The following CHL1 variants were observed in gnomAD, a reference collection of about 807,000 sequenced individuals.
The protein encoded by CHL1 is neural cell adhesion molecule L1-like protein.
CHL1 carries 96 observed loss-of-function variants against 141.9 expected under a neutral mutation model. The observed-to-expected ratio is 0.68, with a 90% CI of 0.57 to 0.80. CHL1 has a LOEUF of 0.80. CHL1 is among the 30% of genes least tolerant of loss of function. The pLI, the probability that CHL1 is intolerant of heterozygous loss-of-function variation, is 0.00. For missense variants in CHL1, 1,820 were observed against 1,457.2 expected, an observed-to-expected ratio of 1.25 and a Z score of -4.05; for synonymous variants, 613 against 502.2, an observed-to-expected ratio of 1.22 and a Z score of -2.95.
chr3:342,949 T>C, intron 7 of CHL1, 35 bp from the exon 8 acceptor site: 2 of 1,552,242 alleles, frequency 1.3e-6, no homozygotes, highest in East Asian at 2.3e-5. Flanking sequence ...TCCACCATTA[T>C]GTTTGTGTTT....
intron 14 of CHL1, among the ~76,000 whole-genome samples, chr3:365,501 T>C (rs1475639755): frequency 6.6e-6 from 1 of 152,198 alleles, no homozygotes; most frequent in Non-Finnish European, 1.5e-5. Flanking sequence ...CCCACCTTCA[T>C]GTTAATAGTT....
chr3:231,863 T>C (rs1395639553), intron 1 of CHL1, among the ~76,000 whole-genome samples: 4 of 152,084 alleles, frequency 2.6e-5, no homozygotes, highest in Admixed American at 6.6e-5. Context: ...AGGCATGAAC[T>C]ACCACACCCA....
Position 391,157 on chromosome 3 carries a change from G to A in CHL1, c.2789G>A (p.Gly930Glu), listed in dbSNP as rs1027895113. The A allele has an allele frequency of 6.2e-7, 1 of 1,603,186 alleles. No homozygotes were observed. The highest frequency in any genetic ancestry group is 8.5e-7 in the Non-Finnish European group (1 of 1,170,378). ...CCTTATATATTTCAAACACCAGAAG[G>A]AGGTGAGAGGATAATGATGTAGAGT... ...SEPYIFQTPE[G>E]VPEQPTFLKV... is the part of the protein sequence containing the mutation. Residue 930 changes from glycine (G) to glutamate (E), a missense_variant and splice_region_variant, in exon 22 of 28, where the codon GGA (glycine) becomes GAA (glutamate). Transcript: ENST00000256509.
intron 1 of CHL1, among the ~76,000 whole-genome samples, chr3:207,915 T>A (rs1699578521): frequency 6.6e-6 from 1 of 152,142 alleles, no homozygotes; most frequent in Admixed American, 6.6e-5. Context: ...ACTGAGCAAT[T>A]CAGGTGCAAC....
chr3:226,052 C>A (rs13091745), intron 1 of CHL1, among the ~76,000 whole-genome samples: 2 of 151,242 alleles, frequency 1.3e-5, no homozygotes, highest in African/African-American at 4.8e-5. Context: ...GAGAGAGTCT[C>A]GTTCCGTCGC....
intron 23 of CHL1, among the ~76,000 whole-genome samples, chr3:393,884 T>G (rs1708453223): frequency 6.6e-6 from 1 of 152,222 alleles, no homozygotes; most frequent in African/African-American, 2.4e-5. Context: ...AAGGAAGGCA[T>G]TTTTATGTCA....
In CHL1 at chr3:324,450, A is replaced by G. The variant is rs538946734; in HGVS notation, c.92-1509A>G. 1.1e-4 allele frequency among the ~76,000 whole-genome samples: 16 copies of G among 152,204 alleles called. 1 individual carries two copies. The South Asian group carries it at 2.7e-3, about 26-fold the overall frequency. On this transcript the variant is annotated intron_variant, in intron 3 of 27. Transcript: ENST00000256509. ...TCCTTTTGAAAAATATTGAGTGCTC[A>G]TCAGCAGTAGATCTTTACACACTTC...
chr3:363,532 A>G, intron 14 of CHL1, 149 bp downstream of exon 14: 1 of 673,566 alleles, frequency 1.5e-6, no homozygotes, highest in Non-Finnish European at 2.5e-6. Flanking sequence ...GGTTTCATCT[A>G]AAAGATTATT....
rs764696475 is a variant in CHL1, at chr3:220,450, GGAA to G, written c.-175+23397_-175+23399del. On this transcript the variant is annotated intron_variant, in intron 1 of 27. Coordinates refer to ENST00000256509, the MANE Select transcript of CHL1 (RefSeq NM_006614.4). ...CCTTTTGACTACCCTGGGCCACATT[GGAA>G]GAAGAAGAATTGTCTTGAGCCACAC... Among the ~76,000 whole-genome samples, 4 of 152,072 alleles carry G rather than the reference GGAA, an allele frequency of 2.6e-5. No individual in the cohort carries two copies. The South Asian group carries it at 6.2e-4, about 24-fold the overall frequency.
At chr3:380,713 T>C (rs1465528761) in intron 16 of CHL1, among the ~76,000 whole-genome samples, 1 of 152,222 alleles carries the variant, frequency 6.6e-6, no homozygotes, top group Non-Finnish European at 1.5e-5. Flanking sequence ...AATTCATTGT[T>C]ATCAATAATG....
chr3:219,849 A>T (rs994177288), intron 1 of CHL1, among the ~76,000 whole-genome samples: 3 of 152,204 alleles, frequency 2.0e-5, no homozygotes, highest in African/African-American at 2.4e-5. Flanking sequence ...AAAGTTTTTT[A>T]AAAAAGAGAA....
intron 3 of CHL1, 60 bp from the exon 4 acceptor site, chr3:325,899 T>C (rs892558148): frequency 1.2e-5 from 14 of 1,140,982 alleles, no homozygotes; most frequent in African/African-American, 9.4e-5. Context: ...GTTTTCGCTA[T>C]AGATTAACCT....
chr3:226,356 A>T (rs4685476), intron 1 of CHL1, among the ~76,000 whole-genome samples: 7,107 of 119,190 alleles, frequency 0.06, 185 homozygotes, highest in Non-Finnish European at 0.075. Flanking sequence ...TCTATTATAT[A>T]TTATATAATA....
intron 14 of CHL1, among the ~76,000 whole-genome samples, chr3:365,535 T>G (rs770830857): frequency 6.6e-6 from 1 of 152,204 alleles, no homozygotes; most frequent in Non-Finnish European, 1.5e-5. Context: ...GCTTAAACAT[T>G]TACCCTCAGG....
chr3:231,407 C>G (rs923975407), intron 1 of CHL1, among the ~76,000 whole-genome samples: 1 of 152,016 alleles, frequency 6.6e-6, no homozygotes. Flanking sequence ...GTACAATTTC[C>G]TAGAGAACTG....
Position 406,263 on chromosome 3 carries a change from C to T in CHL1, c.*552C>T, listed in dbSNP as rs1212698669. 1.3e-5 allele frequency: 2 copies of T among 152,368 alleles called. No homozygotes were observed. Among genetic ancestry groups the T allele is most frequent in the East Asian group, 3.9e-4 (2 of 5,182 alleles). 9.4% of individuals were successfully genotyped at this position (152,368 alleles called of 1,614,324 possible). A position where few individuals can be genotyped will look rare whatever the true frequency, so the allele number is the denominator to read the frequency against. On this transcript the variant is annotated 3_prime_UTR_variant, in exon 28 of 28. Coordinates refer to ENST00000256509, the MANE Select transcript of CHL1 (RefSeq NM_006614.4). ...TTTACTAGCAAAAGTCTTAGGTGAA[C>T]AATCAACTAGTATTTGTTGAGCTCC...
At chr3:302,870 G>T (rs1190511639) in intron 2 of CHL1, among the ~76,000 whole-genome samples, 1 of 152,072 alleles carries the variant, frequency 6.6e-6, no homozygotes, top group African/African-American at 2.4e-5. Flanking sequence ...AGTTTTTATG[G>T]TCTAGGTCTT....
At chr3:286,610 CAA>C (rs537257607) in intron 2 of CHL1, among the ~76,000 whole-genome samples, 2,818 of 112,040 alleles carry the variant, frequency 0.025, 73 homozygotes, top group African/African-American at 0.079. Flanking sequence ...GACTTTGTCT[CAA>C]AAAAAAAAAA....
At chr3:284,781 T>C (rs79727199) in intron 2 of CHL1, among the ~76,000 whole-genome samples, 1 of 141,472 alleles carries the variant, frequency 7.1e-6, no homozygotes, top group South Asian at 2.4e-4. Context: ...TTTTTTTTTT[T>C]TCTCCAACCT....
Sources: gnomAD v4.1 joint callset for allele counts (sites outside exome capture counted in the v4.1 genomes callset) on GRCh38, gnomAD v4.1.1 for gene constraint, MANE v1.5 for transcripts, NCBI Gene and HGNC (gene_info 2026-07-23, HGNC 2026-07-21) for gene names.